PRKCE: variants seen among roughly 807,000 people sequenced by gnomAD.
The protein encoded by PRKCE is protein kinase C epsilon type.
A neutral mutation model predicts 85.4 loss-of-function variants in PRKCE; 16 were observed. The observed-to-expected ratio is 0.19, with a 90% CI of 0.13 to 0.28. PRKCE has a LOEUF of 0.28. Among genes scored for constraint, PRKCE ranks in the 10% least tolerant of loss-of-function variants. The probability of loss-of-function intolerance (pLI) is 1.00; values close to 1 mark genes in which losing one functional copy is unlikely to be tolerated. For synonymous variants in PRKCE, 388 were observed against 371.5 expected (o/e 1.04, Z -0.51); for missense variants, 573 against 975.2 (o/e 0.59, Z 5.49).
intron 2 of PRKCE, among the ~76,000 whole-genome samples, chr2:45,971,269 A>G (rs950778301): frequency 1.4e-4 from 21 of 152,234 alleles, no homozygotes; most frequent in African/African-American, 4.8e-4. Flanking sequence ...ATCATGTAGT[A>G]TTTGTCCTGC....
At chr2:45,793,304 CTCT>C (rs958380300) in intron 1 of PRKCE, among the ~76,000 whole-genome samples, 1 of 152,210 alleles carries the variant, frequency 6.6e-6, no homozygotes, top group Non-Finnish European at 1.5e-5. Flanking sequence ...TGGGCTGCTG[CTCT>C]TCTTTCTCGC....
At chr2:45,751,918 C>T (rs930939417) in intron 1 of PRKCE, among the ~76,000 whole-genome samples, 1 of 145,252 alleles carries the variant, frequency 6.9e-6, no homozygotes, top group African/African-American at 2.6e-5. Flanking sequence ...CCCGGGTTCA[C>T]GCCATTCTCC....
chr2:45,930,450 G>T (rs1174936528), intron 2 of PRKCE, among the ~76,000 whole-genome samples: 1 of 152,188 alleles, frequency 6.6e-6, no homozygotes, highest in Non-Finnish European at 1.5e-5. Context: ...CAAACATAAG[G>T]CATGTCTCCA....
intron 1 of PRKCE, among the ~76,000 whole-genome samples, chr2:45,704,437 C>T (rs1678938011): frequency 6.6e-6 from 1 of 152,098 alleles, no homozygotes; most frequent in African/African-American, 2.4e-5. Context: ...GTTAGCTACT[C>T]CAGGTAAAGA....
At chr2:45,727,709 C>A (rs994178505) in intron 1 of PRKCE, among the ~76,000 whole-genome samples, 1 of 152,178 alleles carries the variant, frequency 6.6e-6, no homozygotes, top group Non-Finnish European at 1.5e-5. Context: ...GGCTAGAGTG[C>A]AGTGGTGCGA....
chr2:45,949,981 A>G (rs1243879335), intron 2 of PRKCE, among the ~76,000 whole-genome samples: 1 of 151,056 alleles, frequency 6.6e-6, no homozygotes, highest in Non-Finnish European at 1.5e-5. Flanking sequence ...GAATTTTAGG[A>G]TTAGCTTTTC....
At chr2:45,932,325 A>T (rs1270844485) in intron 2 of PRKCE, among the ~76,000 whole-genome samples, 3 of 152,216 alleles carry the variant, frequency 2.0e-5, no homozygotes, top group Admixed American at 1.3e-4. Flanking sequence ...ATGGACATGC[A>T]CTTGTTTCCA....
rs1262508727 is a variant in PRKCE at position 45,905,692 on chromosome 2, G to A, written c.412+62629G>A. 2.6e-5 allele frequency among the ~76,000 whole-genome samples: 4 copies of A among 152,178 alleles called. No individual in the cohort carries two copies. Among genetic ancestry groups the A allele is most frequent in the Non-Finnish European group, 4.4e-5 (3 of 68,030 alleles). On this transcript the variant is annotated intron_variant, in intron 2 of 14. Transcript: ENST00000306156. The surrounding 1 kb of genome is among the most constrained non-coding windows in gnomAD (Gnocchi z 4.4). ...GATGCTGGGAGGGTGGATGCCAGGT[G>A]GTGGAACACTGCAACTGTGATCTAC... is the stretch of plus-strand genomic sequence containing the variant.
chr2:45,978,611 G>A, intron 3 of PRKCE: 1 of 199,670 alleles, frequency 5.0e-6, no homozygotes, highest in Non-Finnish European at 1.0e-5. Context: ...GCTGGGAGAA[G>A]AGGAATGTCC....
rs535938028 is a variant in PRKCE at position 45,770,821 on chromosome 2, C to T, written c.349-72179C>T. The T allele has an allele frequency of 3.9e-5, 6 of 152,094 alleles. No individual in the cohort carries two copies. The East Asian group carries it at 9.7e-4, about 25-fold the overall frequency. 9.4% of individuals were successfully genotyped at this position (152,094 alleles called of 1,614,324 possible). A position where few individuals can be genotyped will look rare whatever the true frequency, so the allele number is the denominator to read the frequency against. ...CTTGCCATGTGGAGACAATGAGCTC[C>T]TTAACCAAGGGTGAAAAAGACCAAC... On this transcript the variant is annotated intron_variant, in intron 1 of 14. Transcript: ENST00000306156.
At chr2:45,761,725 T>G (rs1341955369) in intron 1 of PRKCE, among the ~76,000 whole-genome samples, 1 of 152,148 alleles carries the variant, frequency 6.6e-6, no homozygotes, top group Non-Finnish European at 1.5e-5. Flanking sequence ...TTCCTGCAAG[T>G]TTCTGGCCTC....
intron 1 of PRKCE, among the ~76,000 whole-genome samples, chr2:45,791,464 C>T (rs1687025797): frequency 6.6e-6 from 1 of 152,196 alleles, no homozygotes; most frequent in African/African-American, 2.4e-5. Context: ...ACCCTGTGGG[C>T]CAGCAGGCTC....
chr2:45,793,873 G>A (rs548973763), intron 1 of PRKCE, among the ~76,000 whole-genome samples: 2 of 152,316 alleles, frequency 1.3e-5, no homozygotes, highest in African/African-American at 4.8e-5. Flanking sequence ...AGGAACAAAG[G>A]ACTCTGAGTC....
intron 14 of PRKCE, among the ~76,000 whole-genome samples, chr2:46,174,445 G>A (rs941825011): frequency 3.3e-5 from 5 of 152,180 alleles, no homozygotes; most frequent in Non-Finnish European, 4.4e-5. Context: ...CGAATTAGTA[G>A]GCAACATTTA....
intron 1 of PRKCE, among the ~76,000 whole-genome samples, chr2:45,688,149 C>T (rs1011169416): frequency 6.6e-6 from 1 of 152,146 alleles, no homozygotes; most frequent in Non-Finnish European, 1.5e-5. Flanking sequence ...AATGATGCCA[C>T]CTGTTACACA....
chr2:45,952,033 A>C (rs963284635), intron 2 of PRKCE, among the ~76,000 whole-genome samples: 2 of 152,148 alleles, frequency 1.3e-5, no homozygotes, highest in Admixed American at 6.5e-5. Context: ...GAGTTTCATC[A>C]TGTTGGCCAG....
At chr2:45,982,846 T>G (rs1703001057) in intron 5 of PRKCE, among the ~76,000 whole-genome samples, 1 of 152,196 alleles carries the variant, frequency 6.6e-6, no homozygotes, top group Non-Finnish European at 1.5e-5. Flanking sequence ...CTTGGTCACC[T>G]GGGACAACGT....
chr2:45,696,610 C>T (rs1368107677), intron 1 of PRKCE, among the ~76,000 whole-genome samples: 1 of 152,190 alleles, frequency 6.6e-6, no homozygotes, highest in East Asian at 1.9e-4. Flanking sequence ...GGGTTCGAAA[C>T]AGGCTTTTCT....
chr2:45,924,900 A>G (rs1379828285), intron 2 of PRKCE, among the ~76,000 whole-genome samples: 1 of 152,194 alleles, frequency 6.6e-6, no homozygotes, highest in Non-Finnish European at 1.5e-5. Flanking sequence ...AGGAAACAGC[A>G]GAGCTCTGAG....
Sources: gnomAD v4.1 joint callset for allele counts (sites outside exome capture counted in the v4.1 genomes callset) on GRCh38, gnomAD v4.1.1 for gene constraint, Gnocchi (gnomAD v3.1) non-coding constraint, MANE v1.5 for transcripts, NCBI Gene and HGNC (gene_info 2026-07-23, HGNC 2026-07-21) for gene names.